ESR1: variants seen among roughly 807,000 people sequenced by gnomAD.
The protein encoded by ESR1 is estrogen receptor.
In ESR1, 12 loss-of-function variants were observed where a neutral mutation model predicts 52.7. The ratio of observed to expected loss-of-function variants is 0.23; its 90% confidence interval spans 0.15 to 0.37. The LOEUF (loss-of-function observed/expected upper bound fraction) is 0.37. ESR1 is among the 10% of genes least tolerant of loss of function. ESR1 has a pLI of 1.00. For missense variants in ESR1, 584 were observed against 779.7 expected (o/e 0.75, Z 2.99); for synonymous variants, 305 against 316.8 (o/e 0.96, Z 0.39).
chr6:151,993,185 A>G (rs1398878865), intron 4 of ESR1, among the ~76,000 whole-genome samples: 1 of 152,166 alleles, frequency 6.6e-6, no homozygotes, highest in Non-Finnish European at 1.5e-5. Flanking sequence ...AGATTTTTAT[A>G]TATATGTAAA....
intron 5 of ESR1, among the ~76,000 whole-genome samples, chr6:152,060,261 A>C (rs984528840): frequency 2.0e-5 from 3 of 152,200 alleles, no homozygotes; most frequent in Non-Finnish European, 4.4e-5. Context: ...TTCTAAAAAT[A>C]TCAAGATCTG....
rs1177410217 is a variant in ESR1, at chr6:152,031,446, A to G, written c.1235+19652A>G. Among the ~76,000 whole-genome samples, 3 of 152,246 alleles carry G rather than the reference A, an allele frequency of 2.0e-5. No homozygotes were observed. The East Asian group carries it at 5.8e-4, about 29-fold the overall frequency. On this transcript the variant is annotated intron_variant, in intron 5 of 7. Transcript: ENST00000206249. ...AATCAAATAGATGCAATAAAAAATG[A>G]TAAAGGGGATATCACCACTGATCCC...
intron 4 of ESR1, among the ~76,000 whole-genome samples, chr6:151,978,462 G>A (rs566643296): frequency 6.6e-6 from 1 of 152,234 alleles, no homozygotes; most frequent in South Asian, 2.1e-4. Context: ...CTCAAAAAAT[G>A]TAGTGGCTGA....
At chr6:151,925,488 T>C (rs992453392) in intron 3 of ESR1, among the ~76,000 whole-genome samples, 2 of 152,138 alleles carry the variant, frequency 1.3e-5, no homozygotes, top group Non-Finnish European at 2.9e-5. Context: ...GCACTTGTAA[T>C]CCCAGCTACT....
intron 2 of ESR1, among the ~76,000 whole-genome samples, chr6:151,749,903 G>A (rs1783775324): frequency 6.6e-6 from 1 of 152,138 alleles, no homozygotes; most frequent in Non-Finnish European, 1.5e-5. Context: ...TTATTCTATA[G>A]AACATCTTAT....
At chr6:151,764,523 C>T (rs1043793375) in intron 2 of ESR1, among the ~76,000 whole-genome samples, 2 of 151,912 alleles carry the variant, frequency 1.3e-5, no homozygotes, top group African/African-American at 4.8e-5. Flanking sequence ...AGTCAGTCCT[C>T]GCAATGAAGA....
chr6:151,953,585 G>T (rs1294376307), intron 4 of ESR1, among the ~76,000 whole-genome samples: 3 of 152,060 alleles, frequency 2.0e-5, no homozygotes, highest in African/African-American at 4.8e-5. Flanking sequence ...GCTGGGTGTG[G>T]TGGTGGGTAC....
chr6:152,093,024 A>G (rs1316260194), intron 6 of ESR1, among the ~76,000 whole-genome samples: 5 of 152,134 alleles, frequency 3.3e-5, no homozygotes, highest in Non-Finnish European at 2.9e-5. Context: ...CACGCCTATC[A>G]TCCCAGCATT....
chr6:152,028,415 C>T (rs544863836), intron 5 of ESR1, among the ~76,000 whole-genome samples: 177 of 152,274 alleles, frequency 1.2e-3, no homozygotes, highest in African/African-American at 3.4e-3. Context: ...GGGTGACAGA[C>T]GGCACCTGGA....
intron 6 of ESR1, among the ~76,000 whole-genome samples, chr6:152,073,359 C>T (rs1355362288): frequency 6.6e-6 from 1 of 152,100 alleles, no homozygotes; most frequent in Non-Finnish European, 1.5e-5. Flanking sequence ...TTTTCCTCCA[C>T]CAAATTACGA....
At chr6:151,830,049 A>G (rs11155814) in intron 1 of ESR1, among the ~76,000 whole-genome samples, 35,938 of 152,148 alleles carry the variant, frequency 0.24, 5,565 homozygotes, top group African/African-American at 0.44. Context: ...CTATCTTTTG[A>G]ATAGGATCAT....
At chr6:152,120,507 C>A (rs1040954748) in intron 6 of ESR1, among the ~76,000 whole-genome samples, 1 of 152,138 alleles carries the variant, frequency 6.6e-6, no homozygotes, top group Non-Finnish European at 1.5e-5. Context: ...AAGATACAGA[C>A]AATCTGACGG....
At chr6:151,972,507 T>G (rs1358661764) in intron 4 of ESR1, among the ~76,000 whole-genome samples, 1 of 152,076 alleles carries the variant, frequency 6.6e-6, no homozygotes, top group Non-Finnish European at 1.5e-5. Flanking sequence ...CATTCACAAG[T>G]CAATAAATGT....
At chr6:151,778,039 T>C (rs896472046) in intron 2 of ESR1, among the ~76,000 whole-genome samples, 1 of 152,168 alleles carries the variant, frequency 6.6e-6, no homozygotes, top group African/African-American at 2.4e-5. Flanking sequence ...ATCTACATCT[T>C]GACACTTAAC....
At chr6:151,789,605 C>T (rs917392822) in intron 2 of ESR1, among the ~76,000 whole-genome samples, 3 of 152,198 alleles carry the variant, frequency 2.0e-5, no homozygotes, top group Admixed American at 1.3e-4. Flanking sequence ...ATAGAGTATT[C>T]ACTGTGCTTT....
chr6:152,038,899 A>G (rs1447322054), intron 5 of ESR1, among the ~76,000 whole-genome samples: 4 of 152,034 alleles, frequency 2.6e-5, no homozygotes, highest in African/African-American at 7.2e-5. Flanking sequence ...AAAGTGGTGG[A>G]TCCCAAAGTG....
At chr6:152,062,627 G>A (rs1274802312) in intron 6 of ESR1, among the ~76,000 whole-genome samples, 1 of 152,176 alleles carries the variant, frequency 6.6e-6, no homozygotes, top group Non-Finnish European at 1.5e-5. Context: ...TTGGATGAGA[G>A]TTCTGGGAGC....
chr6:152,044,617 C>T (rs2046077283), intron 5 of ESR1, among the ~76,000 whole-genome samples: 1 of 152,216 alleles, frequency 6.6e-6, no homozygotes, highest in Non-Finnish European at 1.5e-5. Context: ...TGGCAAACCA[C>T]TGGTGTAGGT....
chr6:152,007,376 T>C (rs1034057736), intron 4 of ESR1, among the ~76,000 whole-genome samples: 2 of 151,996 alleles, frequency 1.3e-5, no homozygotes, highest in African/African-American at 4.8e-5. Flanking sequence ...GGGATGTCTG[T>C]GCTTGGTGAT....
Sources: gnomAD v4.1 joint callset for allele counts (sites outside exome capture counted in the v4.1 genomes callset) on GRCh38, gnomAD v4.1.1 for gene constraint, MANE v1.5 for transcripts, NCBI Gene and HGNC (gene_info 2026-07-23, HGNC 2026-07-21) for gene names.